Variants in RARB observed in about 807,000 individuals in gnomAD.
RARB encodes HBV-activated protein.
A neutral mutation model predicts 51.9 loss-of-function variants in RARB; 17 were observed. The ratio of observed to expected loss-of-function variants is 0.33; its 90% confidence interval spans 0.22 to 0.49. The LOEUF (loss-of-function observed/expected upper bound fraction) is 0.49. Ranked by LOEUF, RARB falls within the 20% of genes least tolerant of loss-of-function variation. RARB has a pLI of 0.99. For missense variants in RARB, 369 were observed against 550.8 expected, an observed-to-expected ratio of 0.67 and a Z score of 3.30; for synonymous variants, 215 against 195.4, an observed-to-expected ratio of 1.10 and a Z score of -0.84.
intron 1 of RARB, among the ~76,000 whole-genome samples, chr3:25,453,318 G>C (rs2125544596): frequency 6.8e-6 from 1 of 146,026 alleles, no homozygotes; most frequent in Admixed American, 7.1e-5. Context: ...CACGATCTCG[G>C]CTCACTGCAA....
intron 5 of RARB, among the ~76,000 whole-genome samples, chr3:25,289,252 C>A (rs773388340): frequency 6.6e-6 from 1 of 152,178 alleles, no homozygotes; most frequent in Admixed American, 6.5e-5. Context: ...ACCTCCCTCA[C>A]GGGGATGCTG....
intron 4 of RARB, among the ~76,000 whole-genome samples, chr3:25,147,926 T>A (rs1700221128): frequency 6.6e-6 from 1 of 152,222 alleles, no homozygotes; most frequent in African/African-American, 2.4e-5. Flanking sequence ...TCTGTAATTG[T>A]GAGGCAAAAA....
intron 5 of RARB, among the ~76,000 whole-genome samples, chr3:25,340,300 C>T (rs1217587254): frequency 6.6e-6 from 1 of 152,128 alleles, no homozygotes; most frequent in African/African-American, 2.4e-5. Context: ...CTGTAGGAAG[C>T]TTCCCTAGTG....
At chr3:25,142,374 C>A (rs535291815) in intron 4 of RARB, among the ~76,000 whole-genome samples, 5 of 152,246 alleles carry the variant, frequency 3.3e-5, no homozygotes, top group South Asian at 2.1e-4. Context: ...AGATGCAACT[C>A]AGAACCATTG....
At chr3:24,955,384 C>G (rs1695991240) in intron 2 of RARB, among the ~76,000 whole-genome samples, 1 of 152,028 alleles carries the variant, frequency 6.6e-6, no homozygotes, top group Non-Finnish European at 1.5e-5. Context: ...GTGGGGCAGG[C>G]CAAAAAAGGC....
chr3:25,385,812 A>G (rs541870002), intron 5 of RARB, among the ~76,000 whole-genome samples: 13 of 152,134 alleles, frequency 8.5e-5, no homozygotes, highest in South Asian at 2.1e-4. Flanking sequence ...TCTATCTTGT[A>G]TCTTTCCTAA....
chr3:25,194,486 TATATATACACACACATAGTG>T (rs1426609017), intron 5 of RARB, among the ~76,000 whole-genome samples: 2 of 150,782 alleles, frequency 1.3e-5, no homozygotes, highest in African/African-American at 4.9e-5. Context: ...TGTGTATATA[TATATATACACACACATAGTG>T]ATATATATAT....
At chr3:25,356,049 A>C (rs1353352964) in intron 5 of RARB, among the ~76,000 whole-genome samples, 5 of 152,090 alleles carry the variant, frequency 3.3e-5, no homozygotes, top group Non-Finnish European at 7.4e-5. Flanking sequence ...AATAGAAAGG[A>C]GATGTAGTAA....
chr3:25,450,944 G>A (rs900387102), intron 1 of RARB, among the ~76,000 whole-genome samples: 3 of 152,130 alleles, frequency 2.0e-5, no homozygotes, highest in Admixed American at 6.5e-5. Context: ...AAAATAGCCG[G>A]GCGTGGTGGC....
intron 5 of RARB, among the ~76,000 whole-genome samples, chr3:25,593,169 T>C (rs1201303756): frequency 6.6e-6 from 1 of 151,668 alleles, no homozygotes; most frequent in Non-Finnish European, 1.5e-5. Flanking sequence ...ATTCATCTTT[T>C]TTTTTTTTTA....
rs754671798 is a variant in RARB, at chr3:24,955,373, G to T, written c.-380+96621G>T. On this transcript the variant is annotated intron_variant, in intron 2 of 11. Coordinates refer to the RARB transcript ENST00000383772. ...GGGGTTTATATAAACACAGCACAGG[G>T]GTGGGGCAGGCCAAAAAAGGCAACA... Among the ~76,000 whole-genome samples the T allele has an allele frequency of 4.6e-5, 7 of 152,282 alleles. No homozygotes were observed. In the South Asian group the frequency reaches 1.5e-3, roughly 32 times the overall value.
chr3:25,329,821 T>C (rs1405529957), intron 5 of RARB, among the ~76,000 whole-genome samples: 1 of 152,112 alleles, frequency 6.6e-6, no homozygotes, highest in East Asian at 1.9e-4. Flanking sequence ...AGTCCTTAAA[T>C]GGCCTGATGG....
At chr3:25,244,428 C>T (rs1019745348) in intron 5 of RARB, among the ~76,000 whole-genome samples, 24 of 152,048 alleles carry the variant, frequency 1.6e-4, no homozygotes, top group Admixed American at 2.0e-4. Context: ...AGATCTTTCC[C>T]GCCTTCTCCT....
intron 3 of RARB, among the ~76,000 whole-genome samples, chr3:25,120,786 A>T (rs958076526): frequency 7.2e-5 from 11 of 152,152 alleles, no homozygotes; most frequent in African/African-American, 2.7e-4. Context: ...TGTCTTAAAG[A>T]TTTAGATCAG....
chr3:25,063,687 C>T (rs1033728378), intron 3 of RARB, among the ~76,000 whole-genome samples: 1 of 150,200 alleles, frequency 6.7e-6, no homozygotes, highest in Non-Finnish European at 1.5e-5. Flanking sequence ...CAAAGGGGTC[C>T]GTAGACCTTG....
chr3:25,333,827 A>G (rs1704977791), intron 5 of RARB, among the ~76,000 whole-genome samples: 2 of 152,254 alleles, frequency 1.3e-5, no homozygotes, highest in South Asian at 4.1e-4. Context: ...AAACGGATTT[A>G]CAAGAAAAAA....
intron 5 of RARB, among the ~76,000 whole-genome samples, chr3:25,239,029 G>A (rs1702369444): frequency 6.6e-6 from 1 of 152,094 alleles, no homozygotes. Flanking sequence ...GCTCATTGTG[G>A]TTTTTATTTG....
At chr3:25,529,586 G>A (rs1474020891) in intron 3 of RARB, among the ~76,000 whole-genome samples, 1 of 152,178 alleles carries the variant, frequency 6.6e-6, no homozygotes, top group Non-Finnish European at 1.5e-5. Context: ...GAAGGAGGAG[G>A]AAATGGGAAA....
In RARB at chr3:25,325,108, C is replaced by G. The variant is rs555131507; in HGVS notation, c.179-136085C>G. 3.3e-5 allele frequency among the ~76,000 whole-genome samples: 5 copies of G among 152,230 alleles called. No homozygotes were observed. In the South Asian group the frequency reaches 6.2e-4, roughly 19 times the overall value. On this transcript the variant is annotated intron_variant, in intron 5 of 11. Transcript: ENST00000383772. The stretch of plus-strand genomic sequence containing the variant: ...GCTTGATTATATGCTAAACAAGGGG[C>G]GGCTTATTCATGAGTTTTCTGGGAA...
Sources: allele counts gnomAD v4.1 joint callset (sites outside exome capture counted in the v4.1 genomes callset), GRCh38; gene constraint gnomAD v4.1.1; transcripts MANE v1.5; gene names NCBI Gene and HGNC (gene_info 2026-07-23, HGNC 2026-07-21).